The following TAFA2 variants were observed in gnomAD, a reference collection of about 807,000 sequenced individuals.
TAFA2 encodes TAFA chemokine like family member 2, also known as chemokine-like protein TAFA-2.
Under a neutral mutation model 18.8 loss-of-function variants are expected in TAFA2, and 7 were observed. The observed-to-expected ratio is 0.37, with a 90% CI of 0.21 to 0.70. The LOEUF (loss-of-function observed/expected upper bound fraction) is 0.70, where lower values mean the gene tolerates loss of function less well. Ranked by LOEUF, TAFA2 falls within the 30% of genes least tolerant of loss-of-function variation. The pLI is 0.53. For missense variants in TAFA2, 122 were observed against 158.1 expected (o/e 0.77, Z 1.23); for synonymous variants, 60 against 54.2 (o/e 1.11, Z -0.47).
chr12:61,778,945 G>C (rs1321897054), intron 2 of TAFA2, among the ~76,000 whole-genome samples: 4 of 151,800 alleles, frequency 2.6e-5, no homozygotes, highest in African/African-American at 4.8e-5. Flanking sequence ...AGGATACCTT[G>C]CTTAAAATGT....
intron 4 of TAFA2, among the ~76,000 whole-genome samples, chr12:61,725,408 T>C (rs1334935997): frequency 6.6e-6 from 1 of 152,140 alleles, no homozygotes; most frequent in African/African-American, 2.4e-5. Flanking sequence ...AGAATTTTTA[T>C]GGTTTCATGT....
chr12:62,106,351 A>AAAAAACAAAAACAAAAAAAC (rs1159046616), intron 1 of TAFA2, among the ~76,000 whole-genome samples: 1 of 151,764 alleles, frequency 6.6e-6, no homozygotes, highest in Non-Finnish European at 1.5e-5. Context: ...AACAAAAAAC[A>AAAAAACAAAAACAAAAAAAC]AAAAACAAAA....
chr12:61,863,514 G>A (rs12312146), intron 2 of TAFA2, among the ~76,000 whole-genome samples: 4,102 of 152,188 alleles, frequency 0.027, 184 homozygotes, highest in African/African-American at 0.093. Context: ...CTGGGGGTAG[G>A]GTGGACAGAC....
chr12:61,871,046 G>T (rs1468286053), intron 1 of TAFA2, among the ~76,000 whole-genome samples: 1 of 152,118 alleles, frequency 6.6e-6, no homozygotes, highest in African/African-American at 2.4e-5. Flanking sequence ...TTGCATAGTG[G>T]TTAACATGAG....
At chr12:62,237,751 T>C (rs2062844695) in intron 1 of TAFA2, among the ~76,000 whole-genome samples, 1 of 150,480 alleles carries the variant, frequency 6.6e-6, no homozygotes, top group Non-Finnish European at 1.5e-5. Flanking sequence ...TTTTTGGCAT[T>C]AGATGGTGCA....
intron 1 of TAFA2, among the ~76,000 whole-genome samples, chr12:62,126,601 C>G (rs550787668): frequency 6.6e-6 from 1 of 151,958 alleles, no homozygotes; most frequent in East Asian, 1.9e-4. Flanking sequence ...CACAAACCCC[C>G]TCTATGTGCA....
intron 2 of TAFA2, among the ~76,000 whole-genome samples, chr12:61,857,889 G>GA (rs894348051): frequency 6.3e-4 from 96 of 151,906 alleles, no homozygotes; most frequent in African/African-American, 2.1e-3. Flanking sequence ...AGACCCAGGG[G>GA]AAAAAAAAGA....
chr12:62,124,504 G>A (rs1870365781), intron 1 of TAFA2, among the ~76,000 whole-genome samples: 1 of 151,870 alleles, frequency 6.6e-6, no homozygotes, highest in African/African-American at 2.4e-5. Context: ...ACATCAAAAG[G>A]GAAATAGTAA....
intron 1 of TAFA2, among the ~76,000 whole-genome samples, chr12:61,937,940 C>T (rs375473492): frequency 6.6e-6 from 1 of 151,734 alleles, no homozygotes; most frequent in African/African-American, 2.4e-5. Context: ...ACAAGGAACT[C>T]AAACAAATCA....
chr12:62,113,984 T>A (rs1456389507), intron 1 of TAFA2, among the ~76,000 whole-genome samples: 1 of 152,128 alleles, frequency 6.6e-6, no homozygotes, highest in African/African-American at 2.4e-5. Flanking sequence ...TTACGCCCCT[T>A]TCCAAGGGAG....
At chr12:61,833,683 T>A (rs1309059036) in intron 2 of TAFA2, among the ~76,000 whole-genome samples, 1 of 152,030 alleles carries the variant, frequency 6.6e-6, no homozygotes, top group African/African-American at 2.4e-5. Flanking sequence ...ATTTTCTTAA[T>A]TTTTCTTCCT....
In TAFA2 at chr12:62,164,618, G is replaced by A. The variant is rs913536821; in HGVS notation, c.-2+26641C>T. Among the ~76,000 whole-genome samples, 12 of 152,052 alleles carry A rather than the reference G, an allele frequency of 7.9e-5. No individual in the cohort carries two copies. In the East Asian group the frequency reaches 9.6e-4, roughly 12 times the overall value. The stretch of plus-strand genomic sequence containing the variant: ...GTTTACCCATATGACAAACCTGTAC[G>A]TGTACCTGTGAACCTAAAAAACAAG... On this transcript the variant is annotated intron_variant, in intron 1 of 4. Transcript: ENST00000416284.
At chr12:62,098,160 A>G (rs746509181) in intron 1 of TAFA2, among the ~76,000 whole-genome samples, 1 of 152,154 alleles carries the variant, frequency 6.6e-6, no homozygotes, top group Non-Finnish European at 1.5e-5. Flanking sequence ...AACACTAAGG[A>G]AAGACCATTA....
chr12:61,904,770 GA>G (rs953280156), intron 1 of TAFA2, among the ~76,000 whole-genome samples: 1 of 151,922 alleles, frequency 6.6e-6, no homozygotes, highest in Admixed American at 6.6e-5. Context: ...GGTCCCACTG[GA>G]AAAAAATCAT....
chr12:62,221,090 C>A (rs190252896), intron 1 of TAFA2, among the ~76,000 whole-genome samples: 1 of 147,526 alleles, frequency 6.8e-6, no homozygotes, highest in Non-Finnish European at 1.5e-5. Flanking sequence ...AGCGACAGAG[C>A]GAGACTCCGT....
chr12:62,143,982 A>G (rs2062259457), intron 1 of TAFA2, among the ~76,000 whole-genome samples: 1 of 140,466 alleles, frequency 7.1e-6, no homozygotes, highest in Non-Finnish European at 1.5e-5. Context: ...AAGGAGGTTG[A>G]GGCTGCAGTG....
At chr12:61,867,105 C>T (rs1442193996) in intron 2 of TAFA2, among the ~76,000 whole-genome samples, 5 of 151,894 alleles carry the variant, frequency 3.3e-5, no homozygotes, top group African/African-American at 1.2e-4. Context: ...ATTCTTTGAA[C>T]ACTATTTACA....
chr12:61,982,947 C>A (rs1261097667), intron 1 of TAFA2, among the ~76,000 whole-genome samples: 1 of 143,662 alleles, frequency 7.0e-6, no homozygotes, highest in East Asian at 2.0e-4. Flanking sequence ...TTTAAGAGTT[C>A]TTTAATTCCC....
chr12:62,247,326 G>A (rs1437764299), intron 1 of TAFA2, among the ~76,000 whole-genome samples: 1 of 152,082 alleles, frequency 6.6e-6, no homozygotes, highest in Admixed American at 6.5e-5. Flanking sequence ...AGTTATAGAG[G>A]TGTAATGTCA....
Sources: gnomAD v4.1 joint callset for allele counts (sites outside exome capture counted in the v4.1 genomes callset) on GRCh38, gnomAD v4.1.1 for gene constraint, MANE v1.5 for transcripts, NCBI Gene and HGNC (gene_info 2026-07-23, HGNC 2026-07-21) for gene names.